The following MYO1H variants were observed in gnomAD, a reference collection of about 807,000 sequenced individuals.
The protein encoded by MYO1H is myosin IH.
In MYO1H, 118 loss-of-function variants were observed where a neutral mutation model predicts 149.3. The observed-to-expected ratio is 0.79, with a 90% confidence interval of 0.68 to 0.92. MYO1H has a LOEUF of 0.92. MYO1H is among the 40% of genes least tolerant of loss of function. MYO1H has a pLI of 0.00. For missense variants in MYO1H, 1,212 were observed against 1,280.7 expected (o/e 0.95, Z 0.82); for synonymous variants, 447 against 465.2 (o/e 0.96, Z 0.50).
intron 1 of MYO1H, among the ~76,000 whole-genome samples, chr12:109,368,430 C>A (rs1391189652): frequency 1.3e-5 from 2 of 151,964 alleles, no homozygotes; most frequent in African/African-American, 2.4e-5. Flanking sequence ...CCGAGGCAGG[C>A]GGATCACCTG....
intron 25 of MYO1H, 140 bp from the exon 26 acceptor site, chr12:109,441,475 T>G: frequency 4.0e-6 from 2 of 498,466 alleles, no homozygotes; most frequent in Admixed American, 3.9e-5. Context: ...GCCAGGAAGG[T>G]GTTCTGACTT....
intron 1 of MYO1H, among the ~76,000 whole-genome samples, chr12:109,355,499 C>T (rs1868568542): frequency 6.6e-6 from 1 of 152,070 alleles, no homozygotes; most frequent in Admixed American, 6.6e-5. Context: ...AGCTATGGGC[C>T]TGGGATATAC....
intron 5 of MYO1H, among the ~76,000 whole-genome samples, chr12:109,398,580 T>TAA (rs35624373): frequency 6.9e-6 from 1 of 143,910 alleles, no homozygotes; most frequent in Non-Finnish European, 1.5e-5. Context: ...ACCCCATCTC[T>TAA]AAAAAAAAAA....
chr12:109,381,700 GTTCA>G (rs1869209049), intron 1 of MYO1H, among the ~76,000 whole-genome samples: 1 of 152,110 alleles, frequency 6.6e-6, no homozygotes, highest in Admixed American at 6.5e-5. Context: ...CAGCTACTTG[GTTCA>G]TGCCTATGAT....
At chr12:109,369,591 ATG>A (rs1292503822) in intron 1 of MYO1H, among the ~76,000 whole-genome samples, 2 of 152,190 alleles carry the variant, frequency 1.3e-5, no homozygotes, top group Non-Finnish European at 2.9e-5. Flanking sequence ...ATGCATGTAC[ATG>A]TGTGCCATGT....
At chr12:109,366,421 G>C (rs545265254) in intron 1 of MYO1H, among the ~76,000 whole-genome samples, 1 of 152,174 alleles carries the variant, frequency 6.6e-6, no homozygotes, top group Non-Finnish European at 1.5e-5. Flanking sequence ...GCTTGGGGAA[G>C]TCAGGGGCCT....
At chr12:109,355,934 T>C (rs962101891) in intron 1 of MYO1H, among the ~76,000 whole-genome samples, 2 of 151,818 alleles carry the variant, frequency 1.3e-5, no homozygotes, top group Non-Finnish European at 2.9e-5. Flanking sequence ...GCCAGGCTGA[T>C]CTTAAACTCC....
At chr12:109,392,405 T>A (rs1869694746) in intron 2 of MYO1H, among the ~76,000 whole-genome samples, 1 of 152,156 alleles carries the variant, frequency 6.6e-6, no homozygotes, top group Non-Finnish European at 1.5e-5. Flanking sequence ...TCCTTCAAGC[T>A]CTGCTCAGGT....
At chr12:109,362,848 G>A (rs776844432) in intron 1 of MYO1H, among the ~76,000 whole-genome samples, 3 of 152,192 alleles carry the variant, frequency 2.0e-5, no homozygotes, top group Admixed American at 6.5e-5. Context: ...CCAATGTGCC[G>A]TATTTTGCCA....
chr12:109,447,274 C>T, exon 32 of MYO1H: 4 of 1,130,142 alleles, frequency 3.5e-6, no homozygotes, highest in Non-Finnish European at 5.3e-6. Flanking sequence ...TTAGCTACCT[C>T]TTCAAGGTAC....
chr12:109,338,028 A>G, the MYO1H span, among the ~76,000 whole-genome samples: 48 of 152,238 alleles, frequency 3.2e-4, no homozygotes, highest in African/African-American at 1.2e-3. Flanking sequence ...AAGCTAAGAA[A>G]AAAAAGGGGA....
At chr12:109,352,573 T>C (rs1215958345) in intron 1 of MYO1H, among the ~76,000 whole-genome samples, 6 of 152,174 alleles carry the variant, frequency 3.9e-5, no homozygotes, top group African/African-American at 1.2e-4. Context: ...CCTTTTAGCA[T>C]AGATCTAACA....
Position 109,446,378 on chromosome 12 carries a change from A to G in MYO1H, c.3093+766A>G, listed in dbSNP as rs997990184. On this transcript the variant is annotated intron_variant, in intron 31 of 31. Transcript: ENST00000310903. ...GAATCTTTAAAATGTATCTTGTATT[A>G]TAGGAAGAATTTTGATACAAATTAA... The G allele has an allele frequency of 2.2e-5, 22 of 985,342 alleles. No homozygotes were observed. In the African/African-American group the frequency reaches 3.5e-4, roughly 16 times the overall value. The allele number at this position is 985,342 out of a possible 1,614,324, so 61.0% of individuals were successfully genotyped here.
At chr12:109,319,845 T>G in the MYO1H span, among the ~76,000 whole-genome samples, 3 of 152,134 alleles carry the variant, frequency 2.0e-5, no homozygotes, top group African/African-American at 7.2e-5. Flanking sequence ...AAATGTTCCT[T>G]GGGGCTCAGG....
At chr12:109,436,587 C>A (rs753927642) in intron 22 of MYO1H, 31 bp downstream of exon 22, 7 of 1,507,786 alleles carry the variant, frequency 4.6e-6, no homozygotes, top group Non-Finnish European at 6.4e-6. Flanking sequence ...AATAAGTTTG[C>A]TCCCTTTCTC....
exon 2 of MYO1H, chr12:109,388,777 A>G: frequency 6.2e-7 from 1 of 1,613,198 alleles, no homozygotes; most frequent in African/African-American, 1.3e-5. Context: ...GTGCTATTGG[A>G]CGCGTACACC....
the MYO1H span, among the ~76,000 whole-genome samples, chr12:109,323,750 A>G: frequency 6.6e-6 from 1 of 152,150 alleles, no homozygotes; most frequent in African/African-American, 2.4e-5. Context: ...TCGGGGTTTG[A>G]TTCATAGAGG....
At chr12:109,322,488 T>C in the MYO1H span, among the ~76,000 whole-genome samples, 3 of 152,080 alleles carry the variant, frequency 2.0e-5, no homozygotes, top group Non-Finnish European at 4.4e-5. Context: ...TTGTTTGTTT[T>C]AGGATGTGGG....
intron 10 of MYO1H, among the ~76,000 whole-genome samples, chr12:109,408,733 G>A (rs1870505888): frequency 6.6e-6 from 1 of 152,098 alleles, no homozygotes; most frequent in Non-Finnish European, 1.5e-5. Context: ...CAGTGACTTA[G>A]GACACTCATA....
Sources: gnomAD v4.1 joint callset for allele counts (sites outside exome capture counted in the v4.1 genomes callset) on GRCh38, gnomAD v4.1.1 for gene constraint, MANE v1.5 for transcripts, NCBI Gene and HGNC (gene_info 2026-07-23, HGNC 2026-07-21) for gene names.